Variants in ABCC1 observed in about 807,000 individuals in gnomAD.
The protein encoded by ABCC1 is multidrug resistance-associated protein 1.
Under a neutral mutation model 172.9 loss-of-function variants are expected in ABCC1, and 83 were observed. The observed-to-expected ratio is 0.48, with a 90% CI of 0.40 to 0.58. The LOEUF (loss-of-function observed/expected upper bound fraction) is 0.58, where lower values mean the gene tolerates loss of function less well. Among genes scored for constraint, ABCC1 ranks in the 20% least tolerant of loss-of-function variants. The probability of loss-of-function intolerance (pLI) is 0.00; values close to 1 mark genes in which losing one functional copy is unlikely to be tolerated. For synonymous variants in ABCC1, 937 were observed against 825.2 expected (o/e 1.14, Z -2.32); for missense variants, 1,817 against 2,002.7 (o/e 0.91, Z 1.77).
intron 24 of ABCC1, among the ~76,000 whole-genome samples, chr16:16,122,741 C>T (rs564698894): frequency 3.3e-5 from 5 of 149,816 alleles, no homozygotes; most frequent in Admixed American, 2.7e-4. Context: ...AAAAGTAGCC[C>T]ATCATGGTGG....
intron 12 of ABCC1, 174 bp downstream of exon 12, chr16:16,056,469 C>G (rs2049660186): frequency 1.5e-6 from 1 of 664,168 alleles, no homozygotes; most frequent in Non-Finnish European, 2.5e-6. Flanking sequence ...GAGTTCAAGA[C>G]CAGCCTGGCC....
chr16:16,005,455 C>T (rs1483441418), intron 1 of ABCC1, among the ~76,000 whole-genome samples: 1 of 151,606 alleles, frequency 6.6e-6, no homozygotes, highest in African/African-American at 2.4e-5. Flanking sequence ...TCAAGTGATT[C>T]CCCTGCCTCA....
intron 1 of ABCC1, among the ~76,000 whole-genome samples, chr16:15,957,971 G>A (rs191239179): frequency 3.1e-4 from 47 of 152,336 alleles, no homozygotes; most frequent in African/African-American, 1.1e-3. Context: ...AGTTCTGCTA[G>A]CCCCAGGCCC....
intron 6 of ABCC1, among the ~76,000 whole-genome samples, chr16:16,033,611 A>G (rs1244445412): frequency 6.6e-6 from 1 of 152,124 alleles, no homozygotes; most frequent in Admixed American, 6.6e-5. Context: ...ATCTAGAGGT[A>G]ACCAGTGTCA....
chr16:16,039,213 G>GTGTGTGTGTGTGTGTGTGTGTATGTA (rs1477504560), intron 7 of ABCC1, among the ~76,000 whole-genome samples: 1 of 135,720 alleles, frequency 7.4e-6, no homozygotes, highest in South Asian at 2.3e-4. Flanking sequence ...AAGCTTTTGT[G>GTGTGTGTGTGTGTGTGTGTGTATGTA]TGTGTGTGTG....
rs45610635 is a variant in ABCC1, at chr16:16,066,859, C to G, written c.1678-1297C>G. Among the ~76,000 whole-genome samples the G allele has an allele frequency of 5.1e-3, 779 of 151,296 alleles. 7 individuals carry two copies. The highest frequency in any genetic ancestry group is 0.018 in the African/African-American group (750 of 41,184). On this transcript the variant is annotated intron_variant, in intron 12 of 30. Coordinates refer to ENST00000399410, the MANE Select transcript of ABCC1 (RefSeq NM_004996.4). ...CAGAGGTTGCGGTGAACTGCGATCG[C>G]ACCACTGCACTCCATCTTGTGCAAA...
chr16:16,012,139 C>T (rs2047809106), intron 3 of ABCC1, among the ~76,000 whole-genome samples: 1 of 152,158 alleles, frequency 6.6e-6, no homozygotes, highest in South Asian at 2.1e-4. Context: ...ATGTGCTGTC[C>T]ACTCTCTGCC....
intron 23 of ABCC1, among the ~76,000 whole-genome samples, chr16:16,118,548 A>G (rs2045005667): frequency 6.6e-6 from 1 of 151,742 alleles, no homozygotes; most frequent in African/African-American, 2.4e-5. Flanking sequence ...GTTGAAGGCA[A>G]CTTAAATGTC....
chr16:16,021,816 C>T (rs2048206595), intron 5 of ABCC1, among the ~76,000 whole-genome samples: 2 of 152,164 alleles, frequency 1.3e-5, no homozygotes, highest in Non-Finnish European at 2.9e-5. Context: ...GAACCAGGTC[C>T]TGTGAGAATC....
At chr16:16,058,162 C>G (rs566614081) in intron 12 of ABCC1, among the ~76,000 whole-genome samples, 2 of 152,298 alleles carry the variant, frequency 1.3e-5, no homozygotes, top group African/African-American at 4.8e-5. Context: ...GTGCAACTTA[C>G]AATTTGCAAA....
intron 18 of ABCC1, among the ~76,000 whole-genome samples, chr16:16,089,293 C>T (rs1398090873): frequency 6.6e-6 from 1 of 152,114 alleles, no homozygotes; most frequent in Admixed American, 6.6e-5. Context: ...TGCCTGTAGT[C>T]CCAGCACTTT....
At chr16:15,960,188 C>G (rs1219280596) in intron 1 of ABCC1, among the ~76,000 whole-genome samples, 2 of 152,126 alleles carry the variant, frequency 1.3e-5, no homozygotes, top group African/African-American at 4.8e-5. Context: ...CCAAGTGACC[C>G]TCCCAACTCA....
chr16:16,103,487 C>T (rs549090127), intron 20 of ABCC1, among the ~76,000 whole-genome samples: 3 of 151,970 alleles, frequency 2.0e-5, no homozygotes, highest in East Asian at 1.9e-4. Context: ...GGCTGAGGCA[C>T]GAGAATCGCT....
In ABCC1 at chr16:16,042,964, C is replaced by T. The variant is rs80128084; in HGVS notation, c.810-1486C>T. ...ACCCCCTCCTCCTCCTGAGTTCAAG[C>T]GATTCTCCTTTCTCACCCTCCCAAG... On this transcript the variant is annotated intron_variant, in intron 7 of 30. Transcript: ENST00000399410. Among the ~76,000 whole-genome samples the T allele has an allele frequency of 4.2e-3, 640 of 151,890 alleles. 5 individuals carry two copies. Among genetic ancestry groups the T allele is most frequent in the African/African-American group, 0.015 (611 of 41,432 alleles).
chr16:16,116,966 A>AGG (rs2044907577), intron 23 of ABCC1, among the ~76,000 whole-genome samples: 1 of 152,140 alleles, frequency 6.6e-6, no homozygotes, highest in Non-Finnish European at 1.5e-5. Flanking sequence ...ACTGACAGGG[A>AGG]GGGTCTGCAG....
chr16:16,106,269 G>A (rs753663945), intron 20 of ABCC1, among the ~76,000 whole-genome samples: 53 of 151,970 alleles, frequency 3.5e-4, no homozygotes, highest in Non-Finnish European at 5.9e-5. Context: ...CAAGAAAATC[G>A]AACTAGCTGG....
intron 7 of ABCC1, among the ~76,000 whole-genome samples, chr16:16,040,285 T>C (rs1242216432): frequency 2.0e-5 from 3 of 151,816 alleles, no homozygotes; most frequent in African/African-American, 7.3e-5. Flanking sequence ...ATTAATTTTA[T>C]ATTTTATATT....
intron 18 of ABCC1, 116 bp downstream of exon 18, chr16:16,087,107 CT>C: frequency 8.5e-7 from 1 of 1,176,958 alleles, no homozygotes; most frequent in Admixed American, 2.5e-5. Flanking sequence ...TTTAATTGGA[CT>C]TTAAAGAACA....
intron 12 of ABCC1, 89 bp from the exon 13 acceptor site, chr16:16,068,067 C>T: frequency 1.3e-6 from 2 of 1,533,330 alleles, no homozygotes; most frequent in Non-Finnish European, 1.8e-6. Context: ...TGGGGAGGGC[C>T]CAAGCGCGTC....
Sources: allele counts gnomAD v4.1 joint callset (sites outside exome capture counted in the v4.1 genomes callset), GRCh38; gene constraint gnomAD v4.1.1; transcripts MANE v1.5; gene names NCBI Gene and HGNC (gene_info 2026-07-23, HGNC 2026-07-21).